ANK2: variants seen among roughly 807,000 people sequenced by gnomAD.
ANK2 encodes the protein ankyrin 2, also known as ankyrin-2.
In ANK2, 83 loss-of-function variants were observed where a neutral mutation model predicts 360.5. That is an observed-to-expected ratio of 0.23 (90% confidence interval 0.19 to 0.28). The LOEUF (loss-of-function observed/expected upper bound fraction) is 0.28. Among genes scored for constraint, ANK2 ranks in the 10% least tolerant of loss-of-function variants. The pLI, the probability that ANK2 is intolerant of heterozygous loss-of-function variation, is 1.00. For synonymous variants in ANK2, 1,740 were observed against 1,759.5 expected (o/e 0.99, Z 0.28); for missense variants, 4,201 against 4,795.7 (o/e 0.88, Z 3.66).
At chr4:113,120,512 T>G (rs886497590) in intron 1 of ANK2, among the ~76,000 whole-genome samples, 10 of 152,204 alleles carry the variant, frequency 6.6e-5, no homozygotes, top group African/African-American at 2.4e-4. Flanking sequence ...CAACTGTACG[T>G]TTTTTAAAAT....
At position 113,363,442 on chromosome 4, in the gene ANK2, C is replaced by A; in HGVS notation, c.10861C>A (p.Leu3621Ile). Residue 3621 changes from leucine to isoleucine, a missense_variant, in exon 40 of 46, where the codon CTA (leucine) becomes ATA (isoleucine). Around this residue, in one of 4 missense-constraint regions of ANK2, gnomAD observed 2,642 missense variants for 2,714.5 expected, o/e 0.97. Transcript: ENST00000357077. Reference sequence around the variant, plus strand: ...GAGTCATGCACTGTTGAAGTACTGGCTAGAGAGGGATGGGAAACATGCTAC... The same window carrying A: ...GAGTCATGCACTGTTGAAGTACTGGATAGAGAGGGATGGGAAACATGCTAC... Reference protein sequence around the residue: ...DQSHALLKYWLERDGKHATDT... With the variant: ...DQSHALLKYWIERDGKHATDT... 6.2e-7 allele frequency: 1 copy of A among 1,613,430 alleles called. No individual in the cohort carries two copies. Among genetic ancestry groups the A allele is most frequent in the Non-Finnish European group, 8.5e-7 (1 of 1,179,610 alleles).
chr4:113,255,218 C>T (rs1408227483), intron 10 of ANK2, among the ~76,000 whole-genome samples: 1 of 152,172 alleles, frequency 6.6e-6, no homozygotes, highest in Non-Finnish European at 1.5e-5. Context: ...TTCAAGTAGT[C>T]TCCTAATACT....
chr4:112,968,880 A>G (rs2038364993), intron 2 of ANK2, among the ~76,000 whole-genome samples: 1 of 152,116 alleles, frequency 6.6e-6, no homozygotes, highest in African/African-American at 2.4e-5. Context: ...TAATTTGGTA[A>G]TAGATCCCTA....
At chr4:112,860,476 T>A (rs1341729173) in intron 1 of ANK2, among the ~76,000 whole-genome samples, 1 of 152,048 alleles carries the variant, frequency 6.6e-6, no homozygotes, top group African/African-American at 2.4e-5. Flanking sequence ...CCGCCGGCCT[T>A]TGAACACTAG....
chr4:112,898,569 G>C (rs564370955), intron 1 of ANK2, among the ~76,000 whole-genome samples: 1 of 152,258 alleles, frequency 6.6e-6, no homozygotes, highest in South Asian at 2.1e-4. Flanking sequence ...TGGTCACTTG[G>C]CTGACAGTGT....
At chr4:113,209,995 G>A (rs2099002450) in intron 4 of ANK2, among the ~76,000 whole-genome samples, 1 of 152,174 alleles carries the variant, frequency 6.6e-6, no homozygotes, top group Non-Finnish European at 1.5e-5. Context: ...TTTGGTGGGG[G>A]TCTGGGTTTC....
At chr4:112,981,187 A>G (rs2043014164) in intron 2 of ANK2, among the ~76,000 whole-genome samples, 1 of 152,258 alleles carries the variant, frequency 6.6e-6, no homozygotes, top group African/African-American at 2.4e-5. Context: ...TGCATGCTCA[A>G]GGCTCCACTG....
chr4:113,158,993 T>C (rs911874373), intron 1 of ANK2, among the ~76,000 whole-genome samples: 1 of 152,036 alleles, frequency 6.6e-6, no homozygotes, highest in Admixed American at 6.6e-5. Context: ...CAGCTTTACA[T>C]AAAAAAAGGT....
intron 2 of ANK2, among the ~76,000 whole-genome samples, chr4:113,176,683 G>A (rs1006593199): frequency 7.9e-5 from 12 of 151,688 alleles, no homozygotes; most frequent in Admixed American, 5.9e-4. Context: ...ACAACATGCA[G>A]GTTTGTTACA....
At chr4:113,000,370 T>A (rs2154285741) in intron 2 of ANK2, among the ~76,000 whole-genome samples, 1 of 152,320 alleles carries the variant, frequency 6.6e-6, no homozygotes, top group African/African-American at 2.4e-5. Flanking sequence ...GTCCTGCTTT[T>A]AAGTGGGCAA....
intron 2 of ANK2, among the ~76,000 whole-genome samples, chr4:112,987,391 C>G (rs1198716704): frequency 6.6e-6 from 1 of 152,158 alleles, no homozygotes; most frequent in Non-Finnish European, 1.5e-5. Flanking sequence ...AAACAACAAC[C>G]CTTTAATCTT....
At chr4:112,884,410 A>T (rs1157406614) in intron 1 of ANK2, among the ~76,000 whole-genome samples, 1 of 152,184 alleles carries the variant, frequency 6.6e-6, no homozygotes, top group Non-Finnish European at 1.5e-5. Context: ...AACAAATCAG[A>T]ATGGTTGTGT....
intron 1 of ANK2, among the ~76,000 whole-genome samples, chr4:112,876,559 AC>A (rs1362031703): frequency 2.0e-5 from 3 of 152,142 alleles, no homozygotes; most frequent in Non-Finnish European, 4.4e-5. Flanking sequence ...CCTTCCTCTG[AC>A]CCTACAGGAA....
intron 2 of ANK2, among the ~76,000 whole-genome samples, chr4:113,195,078 C>T (rs1294623986): frequency 6.6e-6 from 1 of 152,082 alleles, no homozygotes; most frequent in South Asian, 2.1e-4. Context: ...CAGTAGAAGA[C>T]TGTTAGATAG....
intron 2 of ANK2, among the ~76,000 whole-genome samples, chr4:113,025,374 G>A (rs763874269): frequency 3.3e-5 from 5 of 152,152 alleles, no homozygotes; most frequent in Non-Finnish European, 7.4e-5. Context: ...CTGCCTGGGT[G>A]TCCCCATATT....
chr4:113,175,911 G>T (rs995372179), intron 2 of ANK2, among the ~76,000 whole-genome samples: 1 of 152,168 alleles, frequency 6.6e-6, no homozygotes, highest in Non-Finnish European at 1.5e-5. Context: ...GTTGGGAAAG[G>T]CATTCTGCTG....
intron 4 of ANK2, among the ~76,000 whole-genome samples, chr4:113,222,678 CT>C (rs925791043): frequency 1.3e-4 from 20 of 152,122 alleles, no homozygotes; most frequent in Admixed American, 1.3e-3. Flanking sequence ...TAAAAGGAGC[CT>C]AATAGCATAG....
In ANK2 at chr4:113,211,296, G is replaced by A. The variant is rs962571630; in HGVS notation, c.384+12187G>A. Among the ~76,000 whole-genome samples the A allele has an allele frequency of 2.6e-5, 4 of 152,166 alleles. No homozygotes were observed. In the East Asian group the frequency reaches 7.7e-4, roughly 29 times the overall value. ...CATAACTCACTAACATTTGACAATTGGACCAGGTGCAAAGGCTTGAGAGGT... is the reference window on the plus strand; with the variant it reads ...CATAACTCACTAACATTTGACAATTAGACCAGGTGCAAAGGCTTGAGAGGT... On this transcript the variant is annotated intron_variant, in intron 4 of 45. Transcript: ENST00000357077.
rs769496577 is a variant in ANK2, at chr4:113,358,155, A to C, written c.9537A>C (p.Ala3179=). The C allele has an allele frequency of 3.1e-6, 5 of 1,613,986 alleles. No homozygotes were observed. In the South Asian group the frequency reaches 5.5e-5, roughly 18 times the overall value. Residue 3179 remains alanine (A), a synonymous_variant, in exon 38 of 46, where the codon GCA becomes GCC. Transcript: ENST00000357077. ...SESKETVDDE[A]DLLPDDVSEE... is the part of the protein sequence containing the mutation. ...CAAAAGAAACAGTGGATGATGAGGC[A>C]GACTTACTTCCAGATGACGTGAGTG...
Sources: gnomAD v4.1 joint callset for allele counts (sites outside exome capture counted in the v4.1 genomes callset) on GRCh38, gnomAD v4.1.1 for gene constraint, gnomAD v4.1.1 regional missense constraint, MANE v1.5 for transcripts, NCBI Gene and HGNC (gene_info 2026-07-23, HGNC 2026-07-21) for gene names.